Variants in CDH18 observed in about 807,000 individuals in gnomAD.
CDH18 encodes cadherin-18.
A neutral mutation model predicts 67.9 loss-of-function variants in CDH18; 31 were observed. The observed-to-expected ratio is 0.46, with a 90% CI of 0.34 to 0.62. The LOEUF is 0.62. Among genes scored for constraint, CDH18 ranks in the 20% least tolerant of loss-of-function variants. The probability of loss-of-function intolerance (pLI) is 0.01; values close to 1 mark genes in which losing one functional copy is unlikely to be tolerated. For synonymous variants in CDH18, 362 were observed against 347.2 expected (o/e 1.04, Z -0.48); for missense variants, 890 against 975.5 (o/e 0.91, Z 1.17).
intron 10 of CDH18, among the ~76,000 whole-genome samples, chr5:19,516,893 CT>C (rs577173971): frequency 2.4e-4 from 37 of 152,040 alleles, no homozygotes; most frequent in Non-Finnish European, 4.0e-4. Flanking sequence ...TGAAGGATGT[CT>C]TTGTTGGTTC....
At chr5:19,836,506 G>A (rs1781655536) in intron 3 of CDH18, among the ~76,000 whole-genome samples, 1 of 152,050 alleles carries the variant, frequency 6.6e-6, no homozygotes, top group Non-Finnish European at 1.5e-5. Flanking sequence ...CCTACTTTTT[G>A]AAGGGGGTGT....
chr5:19,696,673 C>T (rs1762584012), intron 5 of CDH18, among the ~76,000 whole-genome samples: 2 of 152,046 alleles, frequency 1.3e-5, no homozygotes, highest in Admixed American at 6.5e-5. Flanking sequence ...GGATTACAAG[C>T]GTGAGCCACC....
In CDH18 at chr5:20,242,779, T is replaced by C. The variant is rs1193463650; in HGVS notation, c.-518+12665A>G. On this transcript the variant is annotated intron_variant, in intron 2 of 14. Coordinates refer to the CDH18 transcript ENST00000507958. ...ATTAGAAAAATCCACTGAAGCTGCG[T>C]AGACAGCAAAACATGATCCCATAAC... 4.0e-5 allele frequency among the ~76,000 whole-genome samples: 6 copies of C among 151,362 alleles called. No individual in the cohort carries two copies. In the East Asian group the frequency reaches 1.2e-3, roughly 29 times the overall value.
At chr5:19,518,173 ATAATCT>A (rs901044352) in intron 10 of CDH18, among the ~76,000 whole-genome samples, 29 of 152,224 alleles carry the variant, frequency 1.9e-4, no homozygotes, top group African/African-American at 6.7e-4. Flanking sequence ...ATATAAAATA[ATAATCT>A]TAATATTTTA....
chr5:20,192,925 T>C (rs1738664200), intron 2 of CDH18, among the ~76,000 whole-genome samples: 2 of 152,202 alleles, frequency 1.3e-5, no homozygotes, highest in Non-Finnish European at 2.9e-5. Flanking sequence ...GCATTGAATC[T>C]ATAAATTACT....
intron 3 of CDH18, among the ~76,000 whole-genome samples, chr5:19,824,242 G>A (rs1185972154): frequency 6.6e-6 from 1 of 152,110 alleles, no homozygotes; most frequent in African/African-American, 2.4e-5. Flanking sequence ...AGCAAAACAG[G>A]CTAGTGAATA....
chr5:20,205,084 A>T (rs1429043740), intron 2 of CDH18, among the ~76,000 whole-genome samples: 1 of 152,004 alleles, frequency 6.6e-6, no homozygotes, highest in Non-Finnish European at 1.5e-5. Flanking sequence ...ATATTGATGG[A>T]CTCAGTTATT....
At chr5:19,769,945 A>C (rs1341211124) in intron 3 of CDH18, among the ~76,000 whole-genome samples, 1 of 152,042 alleles carries the variant, frequency 6.6e-6, no homozygotes, top group Admixed American at 6.6e-5. Flanking sequence ...ACACTTCTCA[A>C]AAGAAGATAT....
At chr5:20,279,730 C>CAAAAAAAAAAAAAAAAAAAAAAA (rs1309866477) in intron 1 of CDH18, among the ~76,000 whole-genome samples, 2 of 66,688 alleles carry the variant, frequency 3.0e-5, no homozygotes, top group Non-Finnish European at 5.8e-5. Flanking sequence ...AAAAAAAAAG[C>CAAAAAAAAAAAAAAAAAAAAAAA]AAAAACTGTA....
At chr5:19,734,824 G>A (rs73761493) in intron 4 of CDH18, among the ~76,000 whole-genome samples, 13,078 of 151,948 alleles carry the variant, frequency 0.086, 1,186 homozygotes, top group East Asian at 0.25. Flanking sequence ...AAATATTTAT[G>A]GTTTCTTTTT....
intron 2 of CDH18, among the ~76,000 whole-genome samples, chr5:20,161,379 A>G (rs2126611793): frequency 6.6e-6 from 1 of 152,234 alleles, no homozygotes; most frequent in East Asian, 1.9e-4. Context: ...ATTCCTACAA[A>G]CAAACTTCAT....
chr5:20,290,648 T>C (rs1473006528), intron 1 of CDH18, among the ~76,000 whole-genome samples: 3 of 152,152 alleles, frequency 2.0e-5, no homozygotes, highest in African/African-American at 4.8e-5. Flanking sequence ...TTGTACGATA[T>C]GATCCAGTGA....
At chr5:20,093,666 T>G (rs1470179297) in intron 2 of CDH18, among the ~76,000 whole-genome samples, 1 of 152,080 alleles carries the variant, frequency 6.6e-6, no homozygotes, top group Non-Finnish European at 1.5e-5. Flanking sequence ...AATACCTGAT[T>G]GAAAGAATCA....
chr5:19,575,782 G>A (rs894072190), intron 7 of CDH18, among the ~76,000 whole-genome samples: 4 of 152,122 alleles, frequency 2.6e-5, no homozygotes, highest in Non-Finnish European at 5.9e-5. Context: ...AAATGTGGCA[G>A]AACCACACCC....
chr5:19,543,644 C>T (rs577684174), intron 9 of CDH18, among the ~76,000 whole-genome samples: 4 of 152,198 alleles, frequency 2.6e-5, no homozygotes, highest in South Asian at 4.1e-4. Flanking sequence ...CATAAGTGTT[C>T]TGTGATGCCA....
At chr5:19,695,418 A>C (rs1395434857) in intron 5 of CDH18, among the ~76,000 whole-genome samples, 2 of 152,206 alleles carry the variant, frequency 1.3e-5, no homozygotes, top group Non-Finnish European at 2.9e-5. Context: ...CTACCCAGAA[A>C]GGGACCAAAT....
intron 1 of CDH18, among the ~76,000 whole-genome samples, chr5:20,492,219 G>A (rs1051847583): frequency 3.3e-5 from 5 of 151,472 alleles, no homozygotes; most frequent in African/African-American, 1.2e-4. Flanking sequence ...AAAATATAGG[G>A]GCATTTGCTA....
In CDH18 at chr5:19,495,458, C is replaced by T. The variant is rs1561195269; in HGVS notation, c.1630+7534G>A. Among the ~76,000 whole-genome samples, 3 of 152,060 alleles carry T rather than the reference C, an allele frequency of 2.0e-5. No individual in the cohort carries two copies. In the East Asian group the frequency reaches 5.8e-4, roughly 30 times the overall value. On this transcript the variant is annotated intron_variant, in intron 11 of 12. Coordinates refer to ENST00000382275, the MANE Select transcript of CDH18 (RefSeq NM_004934.5). ...GAAGCTTAAAATATCAATAAAATCT[C>T]AGCCGGGAGCTGTGGTTCACACCTG...
chr5:20,313,737 G>C (rs1010982360), intron 1 of CDH18, among the ~76,000 whole-genome samples: 19 of 151,898 alleles, frequency 1.3e-4, no homozygotes, highest in Non-Finnish European at 2.1e-4. Flanking sequence ...CTATTTCTCT[G>C]TGTGTGTGGG....
Sources: gnomAD v4.1 joint callset for allele counts (sites outside exome capture counted in the v4.1 genomes callset) on GRCh38, gnomAD v4.1.1 for gene constraint, MANE v1.5 for transcripts, NCBI Gene and HGNC (gene_info 2026-07-23, HGNC 2026-07-21) for gene names.